The following AOAH variants were observed in gnomAD, a reference collection of about 807,000 sequenced individuals.
AOAH encodes the protein acyloxyacyl hydrolase.
AOAH carries 64 observed loss-of-function variants against 92.2 expected under a neutral mutation model. The observed-to-expected ratio is 0.69, with a 90% CI of 0.57 to 0.86. The LOEUF (loss-of-function observed/expected upper bound fraction) is 0.86, where lower values mean the gene tolerates loss of function less well. AOAH is among the 40% of genes least tolerant of loss of function. The pLI, the probability that AOAH is intolerant of heterozygous loss-of-function variation, is 0.00. For missense variants in AOAH, 656 were observed against 694.6 expected (o/e 0.94, Z 0.62); for synonymous variants, 263 against 254.5 (o/e 1.03, Z -0.32).
At chr7:36,524,572 A>AGGCTGAGG (rs1348340305) in intron 19 of AOAH, among the ~76,000 whole-genome samples, 1 of 151,766 alleles carries the variant, frequency 6.6e-6, no homozygotes, top group Non-Finnish European at 1.5e-5. Context: ...GCTACTCGAG[A>AGGCTGAGG]GGCTGAGGCA....
chr7:36,535,503 C>T (rs1785000679), intron 16 of AOAH, among the ~76,000 whole-genome samples: 1 of 152,148 alleles, frequency 6.6e-6, no homozygotes, highest in Admixed American at 6.5e-5. Context: ...TTTAAAAAGA[C>T]ATTTGGTTTC....
intron 11 of AOAH, among the ~76,000 whole-genome samples, chr7:36,612,745 A>G (rs1791551662): frequency 6.6e-6 from 1 of 152,176 alleles, no homozygotes; most frequent in Non-Finnish European, 1.5e-5. Flanking sequence ...CTGGGTCTTT[A>G]TCACTTTTAA....
At chr7:36,646,573 G>A (rs1794233520) in intron 4 of AOAH, among the ~76,000 whole-genome samples, 1 of 152,096 alleles carries the variant, frequency 6.6e-6, no homozygotes, top group Non-Finnish European at 1.5e-5. Flanking sequence ...GTTTCCTATT[G>A]CTGCTGTAAC....
At position 36,621,703 on chromosome 7, in the gene AOAH, T is replaced by G; in HGVS notation, c.653+7A>C. 6.2e-7 allele frequency: 1 copy of G among 1,613,846 alleles called. No homozygotes were observed. Among genetic ancestry groups the G allele is most frequent in the Non-Finnish European group, 8.5e-7 (1 of 1,179,772 alleles). ...TTTAAAAATCAGCAACCAGCAGAAATAGTTACCTTCTACCTGGGTACACTG... is the reference window on the plus strand; with the variant it reads ...TTTAAAAATCAGCAACCAGCAGAAAGAGTTACCTTCTACCTGGGTACACTG... On this transcript the variant is annotated splice_region_variant and intron_variant, in intron 8 of 20. Transcript: ENST00000617537.
intron 16 of AOAH, among the ~76,000 whole-genome samples, chr7:36,533,671 T>A (rs1409760845): frequency 2.2e-5 from 3 of 133,588 alleles, no homozygotes; most frequent in Non-Finnish European, 3.3e-5. Context: ...TCCCTCTATT[T>A]TGTGTGCGTG....
chr7:36,536,934 A>C (rs1785096701), intron 16 of AOAH, among the ~76,000 whole-genome samples: 1 of 112,902 alleles, frequency 8.9e-6, no homozygotes, highest in South Asian at 3.4e-4. Flanking sequence ...TGGGTGACAT[A>C]GTGAGACTTC....
intron 13 of AOAH, among the ~76,000 whole-genome samples, chr7:36,574,832 C>G (rs1788371534): frequency 6.6e-6 from 1 of 152,168 alleles, no homozygotes; most frequent in African/African-American, 2.4e-5. Flanking sequence ...TATTTTCTAC[C>G]AATCTTTCCT....
chr7:36,526,405 T>C (rs1302151203), intron 19 of AOAH, among the ~76,000 whole-genome samples: 2 of 152,196 alleles, frequency 1.3e-5, no homozygotes, highest in Non-Finnish European at 2.9e-5. Flanking sequence ...TCGTGACCAA[T>C]GTCAAAGGGA....
intron 2 of AOAH, among the ~76,000 whole-genome samples, chr7:36,675,828 G>T (rs936287410): frequency 6.6e-6 from 1 of 152,028 alleles, no homozygotes; most frequent in African/African-American, 2.4e-5. Flanking sequence ...GCAAAATTGG[G>T]TTAACATCTG....
At chr7:36,656,084 C>T (rs1467506277) in intron 4 of AOAH, among the ~76,000 whole-genome samples, 1 of 152,068 alleles carries the variant, frequency 6.6e-6, no homozygotes, top group Non-Finnish European at 1.5e-5. Flanking sequence ...ATTTTTCCTA[C>T]AGCAAGGCAT....
chr7:36,546,611 T>C (rs570069878), intron 15 of AOAH, among the ~76,000 whole-genome samples: 1 of 152,344 alleles, frequency 6.6e-6, no homozygotes, highest in East Asian at 1.9e-4. Context: ...GGGATCTGGG[T>C]AAGCAGGTTT....
At chr7:36,635,933 T>C (rs908692438) in intron 5 of AOAH, among the ~76,000 whole-genome samples, 2 of 152,236 alleles carry the variant, frequency 1.3e-5, no homozygotes, top group African/African-American at 4.8e-5. Flanking sequence ...GCCAAATCCA[T>C]GAAATGTTCC....
intron 13 of AOAH, among the ~76,000 whole-genome samples, chr7:36,567,599 T>C (rs1325036518): frequency 6.6e-6 from 1 of 152,204 alleles, no homozygotes; most frequent in Non-Finnish European, 1.5e-5. Context: ...TGCTAACGGA[T>C]AGCCCTGGAG....
intron 3 of AOAH, among the ~76,000 whole-genome samples, chr7:36,662,552 T>C (rs1795285073): frequency 6.6e-6 from 1 of 152,216 alleles, no homozygotes; most frequent in South Asian, 2.1e-4. Flanking sequence ...TTTATTTAGC[T>C]GATGACTGCT....
intron 19 of AOAH, among the ~76,000 whole-genome samples, chr7:36,528,044 C>T (rs922846862): frequency 1.3e-5 from 2 of 152,206 alleles, no homozygotes; most frequent in Non-Finnish European, 2.9e-5. Flanking sequence ...ACCTAGACAT[C>T]AAATGCAGGT....
chr7:36,557,782 C>T (rs10235577), intron 13 of AOAH, among the ~76,000 whole-genome samples: 50,998 of 149,932 alleles, frequency 0.34, 8,561 homozygotes, highest in Middle Eastern at 0.41. Context: ...TGCATCGGCT[C>T]CTGAGGCTTC....
At position 36,513,238 on chromosome 7, in the gene AOAH, T is replaced by C. The variant is rs763736513; in HGVS notation, c.*14A>G. On this transcript the variant is annotated 3_prime_UTR_variant, in exon 21 of 21. Coordinates refer to ENST00000617537, the MANE Select transcript of AOAH (RefSeq NM_001637.4). The stretch of plus-strand genomic sequence containing the variant: ...CCTCCCTGTGCTCCCCAGGGGTGCA[T>C]GCTCCTGAGAGGCTCAGTGCCCGCC... 6.2e-7 allele frequency: 1 copy of C among 1,614,168 alleles called. No homozygotes were observed. The highest frequency in any genetic ancestry group is 1.7e-5 in the Admixed American group (1 of 60,020).
chr7:36,524,323 T>C (rs74939007), intron 19 of AOAH, among the ~76,000 whole-genome samples: 2,313 of 151,996 alleles, frequency 0.015, 60 homozygotes, highest in African/African-American at 0.054. Flanking sequence ...TCCGTGAAGA[T>C]GGAGCCCCCA....
intron 2 of AOAH, 130 bp downstream of exon 2, chr7:36,686,569 A>G: frequency 2.1e-6 from 1 of 482,908 alleles, no homozygotes; most frequent in Non-Finnish European, 3.4e-6. Flanking sequence ...CCCCACAAGA[A>G]TATCAACCCA....
Sources: allele counts gnomAD v4.1 joint callset (sites outside exome capture counted in the v4.1 genomes callset), GRCh38; gene constraint gnomAD v4.1.1; transcripts MANE v1.5; gene names NCBI Gene and HGNC (gene_info 2026-07-23, HGNC 2026-07-21).